The following SERPINA4 variants were observed in gnomAD, a reference collection of about 807,000 sequenced individuals.
SERPINA4 encodes the protein kallistatin.
Under a neutral mutation model 25.4 loss-of-function variants are expected in SERPINA4, and 24 were observed. That is an observed-to-expected ratio of 0.95 (90% CI 0.69 to 1.33). The LOEUF (loss-of-function observed/expected upper bound fraction) is 1.33, where lower values mean the gene tolerates loss of function less well. Ranked by LOEUF, SERPINA4 falls within the 40% of genes most tolerant of loss-of-function variation. The pLI is 0.00. For synonymous variants in SERPINA4, 242 were observed against 223.6 expected, an observed-to-expected ratio of 1.08 and a Z score of -0.73; for missense variants, 553 against 535.8, an observed-to-expected ratio of 1.03 and a Z score of -0.32.
rs990417798 is a variant in SERPINA4 at position 94,562,735 on chromosome 14, T to C, written c.-17-731T>C. ...TGACAACCGGATACTGGTGGGACCA[T>C]TTGATGGGGCAGGAGCAGATTTGGG... On this transcript the variant is annotated intron_variant, in intron 1 of 4. Coordinates refer to ENST00000557004, the MANE Select transcript of SERPINA4 (RefSeq NM_006215.4). Among the ~76,000 whole-genome samples the C allele has an allele frequency of 2.0e-5, 3 of 152,272 alleles. 1 individual carries two copies. The highest frequency in any genetic ancestry group is 6.8e-3 in the Middle Eastern group (2 of 294).
At chr14:94,568,103 AT>A in intron 3 of SERPINA4, 25 bp from the exon 4 acceptor site, 2 of 1,613,068 alleles carry the variant, frequency 1.2e-6, no homozygotes, top group Non-Finnish European at 1.7e-6. Flanking sequence ...CATTAATCTA[AT>A]GTTCTAACTC....
chr14:94,561,837 G>A lies in SERPINA4; in HGVS notation c.-18+343G>A, dbSNP rs577811372. The A allele has an allele frequency of 1.8e-5, 23 of 1,289,852 alleles. No individual in the cohort carries two copies. The African/African-American group carries it at 2.7e-4, about 15-fold the overall frequency. 79.9% of individuals were successfully genotyped at this position (1,289,852 alleles called of 1,614,324 possible). A position where few individuals can be genotyped will look rare whatever the true frequency, so the allele number is the denominator to read the frequency against. ...GATCTTGGGGAGCTCATGCCGGAGG[G>A]GAGGTGTGTCTGTGAGTGATGCGGT... On this transcript the variant is annotated intron_variant, in intron 1 of 4. Transcript: ENST00000557004.
chr14:94,568,069 G>T (rs1013566826), intron 3 of SERPINA4, 60 bp from the exon 4 acceptor site: 2 of 1,580,298 alleles, frequency 1.3e-6, no homozygotes, highest in South Asian at 1.1e-5. Context: ...GGAGGGCTCT[G>T]CCCAGCAGGG....
rs756230378 is a variant in SERPINA4, at chr14:94,563,861, A to G, written c.379A>G (p.Thr127Ala). The change falls in exon 2 of 5, where the codon ACT becomes GCT. Residue 127 changes from threonine to alanine, a missense_variant. Transcript: ENST00000557004. ...VHRGFQHLLH[T>A]LNLPGHGLET... The stretch of plus-strand genomic sequence containing the variant: ...TAGGGGCTTCCAGCACCTCCTGCAC[A>G]CTCTCAACCTCCCCGGCCATGGGCT... The G allele has an allele frequency of 1.2e-6, 2 of 1,613,402 alleles. No individual in the cohort carries two copies. The highest frequency in any genetic ancestry group is 1.7e-6 in the Non-Finnish European group (2 of 1,179,846).
At chr14:94,569,134 C>T (rs1902314301) in intron 4 of SERPINA4, among the ~76,000 whole-genome samples, 2 of 152,070 alleles carry the variant, frequency 1.3e-5, no homozygotes, top group Non-Finnish European at 2.9e-5. Context: ...TTAGGATGGC[C>T]ATGAAGATCA....
In SERPINA4 at chr14:94,561,806, C is replaced by T. The variant is rs930997226; in HGVS notation, c.-18+312C>T. On this transcript the variant is annotated intron_variant, in intron 1 of 4. Coordinates refer to ENST00000557004, the MANE Select transcript of SERPINA4 (RefSeq NM_006215.4). ...GGGCCAAGGTCTTCTGGCTGCCAAT[C>T]CAGGTGATCTTGGGGAGCTCATGCC... 30 of 1,289,720 alleles carry T rather than the reference C, an allele frequency of 2.3e-5. No homozygotes were observed. The Middle Eastern group carries it at 6.4e-4, about 27-fold the overall frequency. 79.9% of individuals were successfully genotyped at this position (1,289,720 alleles called of 1,614,324 possible).
chr14:94,567,334 A>T (rs3827893), intron 3 of SERPINA4, 91 bp downstream of exon 3: 517,775 of 1,378,696 alleles, frequency 0.38, 99,342 homozygotes, highest in African/African-American at 0.54. Context: ...TAGAGAGTGA[A>T]CACCAAATTA....
rs888232796 is a variant in SERPINA4 at position 94,567,871 on chromosome 14, C to A, written c.924-258C>A. 3.9e-5 allele frequency among the ~76,000 whole-genome samples: 6 copies of A among 152,350 alleles called. No homozygotes were observed. The South Asian group carries it at 1.2e-3, about 32-fold the overall frequency. ...CGAGGCTTACATCTGTCTCCCTGGG[C>A]ACCTGAACACCCACAGGAAGCAACC... is the stretch of plus-strand genomic sequence containing the variant. On this transcript the variant is annotated intron_variant, in intron 3 of 4. Coordinates refer to ENST00000557004, the MANE Select transcript of SERPINA4 (RefSeq NM_006215.4).
intron 1 of SERPINA4, 30 bp from the exon 2 acceptor site, chr14:94,563,436 A>T: frequency 6.4e-7 from 1 of 1,564,806 alleles, no homozygotes. Flanking sequence ...TTCTGGGGGA[A>T]TTTCCTGGGC....
Position 94,567,085 on chromosome 14 carries a change from T to C in SERPINA4, c.765T>C (p.Tyr255=). ...MMLQDQEHHW[Y]LHDRYLPCSV... ...TGCAGGACCAGGAGCATCACTGGTA[T>C]CTTCATGACAGATACTTGCCCTGCT... The change falls in exon 3 of 5, where the codon TAT becomes TAC. Residue 255 remains tyrosine (Y), a synonymous_variant. Transcript: ENST00000557004. 2 of 1,614,246 alleles carry C rather than the reference T, an allele frequency of 1.2e-6. No homozygotes were observed. The highest frequency in any genetic ancestry group is 1.1e-5 in the South Asian group (1 of 91,088).
At chr14:94,561,747 G>T (rs764301319) in intron 1 of SERPINA4, 148 of 1,289,796 alleles carry the variant, frequency 1.1e-4, no homozygotes, top group South Asian at 6.0e-4. Flanking sequence ...CCTCCCCCAG[G>T]GACACACAGC....
chr14:94,562,454 C>T lies in SERPINA4; in HGVS notation c.-18+960C>T, dbSNP rs183170769. On this transcript the variant is annotated intron_variant, in intron 1 of 4. Transcript: ENST00000557004. ...GGTGTGGCTGTGCATGCCTGTAGTT[C>T]CAGCTACTTGGAAGGGTGCATGCCT... 3.7e-3 allele frequency among the ~76,000 whole-genome samples: 562 copies of T among 152,090 alleles called. 1 individual carries two copies. Among genetic ancestry groups the T allele is most frequent in the African/African-American group, 0.013 (525 of 41,464 alleles).
rs748969602 is a variant in SERPINA4, at chr14:94,564,119, A to G, written c.637A>G (p.Ile213Val). 6.2e-6 allele frequency: 10 copies of G among 1,600,250 alleles called. No homozygotes were observed. The Admixed American group carries it at 1.2e-4, about 19-fold the overall frequency. The change falls in exon 2 of 5, where the codon ATT becomes GTT. Residue 213 changes from isoleucine to valine, a missense_variant. By Grantham distance (29) the Ile-to-Val change is conservative. Transcript: ENST00000557004. ...CGTCTTGATGGTGCTGGTGAATTAC[A>G]TTTACTTCAAAGGTGAGAGTCAGAT... Reference protein sequence around the residue: ...KDVLMVLVNYIYFKALWEKPF... With the variant: ...KDVLMVLVNYVYFKALWEKPF...
Position 94,567,010 on chromosome 14 carries a change from C to T in SERPINA4, c.690C>T (p.Pro230=). The T allele has an allele frequency of 6.2e-7, 1 of 1,614,184 alleles. No homozygotes were observed. The highest frequency in any genetic ancestry group is 8.5e-7 in the Non-Finnish European group (1 of 1,180,034). The stretch of plus-strand genomic sequence containing the variant: ...CATTCATTTCCTCAAGGACCACTCC[C>T]AAAGACTTCTATGTTGATGAGAACA... The part of the protein sequence containing the change: ...EKPFISSRTT[P]KDFYVDENTT... Residue 230 remains proline (P), a synonymous_variant, in exon 3 of 5, where the codon CCC becomes CCT. Coordinates refer to ENST00000557004, the MANE Select transcript of SERPINA4 (RefSeq NM_006215.4).
intron 1 of SERPINA4, among the ~76,000 whole-genome samples, chr14:94,562,175 G>A (rs965904568): frequency 2.0e-5 from 3 of 150,694 alleles, no homozygotes; most frequent in African/African-American, 7.3e-5. Flanking sequence ...ACACAGCCAC[G>A]CCTCTTCATG....
At chr14:94,564,247 A>AT (rs1595063901) in intron 2 of SERPINA4, 116 bp downstream of exon 2, 1 of 1,062,418 alleles carries the variant, frequency 9.4e-7, no homozygotes, top group Non-Finnish European at 1.4e-6. Flanking sequence ...TGTGTCTGAT[A>AT]GGGTTGAGCA....
rs779807523 is a variant in SERPINA4 at position 94,568,168 on chromosome 14, C to A, written c.963C>A (p.Phe321Leu). The change falls in exon 4 of 5, where the codon TTC (phenylalanine) becomes TTA (leucine). Residue 321 changes from phenylalanine to leucine, a missense_variant. Physicochemically the swap from Phe to Leu is conservative, Grantham distance 22. Coordinates refer to ENST00000557004, the MANE Select transcript of SERPINA4 (RefSeq NM_006215.4). ...AGCTAGAGTTGCATCTTCCCAAGTT[C>A]TCCATTTCTGGCTCCTATGTATTAG... ...YKKLELHLPK[F>L]SISGSYVLDQ... 15 of 1,614,238 alleles carry A rather than the reference C, an allele frequency of 9.3e-6. No homozygotes were observed. The Admixed American group carries it at 2.5e-4, about 27-fold the overall frequency.
chr14:94,562,307 G>A (rs917440663), intron 1 of SERPINA4, among the ~76,000 whole-genome samples: 5 of 152,180 alleles, frequency 3.3e-5, no homozygotes, highest in Non-Finnish European at 7.3e-5. Flanking sequence ...AGTTTTCTGA[G>A]CCCTGGTTGA....
At position 94,566,960 on chromosome 14, in the gene SERPINA4, T is replaced by C. The variant is rs967005205; in HGVS notation, c.650-10T>C. 6.2e-7 allele frequency: 1 copy of C among 1,607,364 alleles called. No homozygotes were observed. The highest frequency in any genetic ancestry group is 1.7e-4 in the Middle Eastern group (1 of 5,984). On this transcript the variant is annotated splice_polypyrimidine_tract_variant and intron_variant, in intron 2 of 4. Transcript: ENST00000557004. Reference sequence around the variant, plus strand: ...AGATGTCCTGTACCTTCTTTTCATCTTCCCTTCAGCCCTGTGGGAGAAACC... The same window carrying C: ...AGATGTCCTGTACCTTCTTTTCATCCTCCCTTCAGCCCTGTGGGAGAAACC...
Sources: gnomAD v4.1 joint callset for allele counts (sites outside exome capture counted in the v4.1 genomes callset) on GRCh38, gnomAD v4.1.1 for gene constraint, MANE v1.5 for transcripts, NCBI Gene and HGNC (gene_info 2026-07-23, HGNC 2026-07-21) for gene names.